The following RNLS variants were observed in gnomAD, a reference collection of about 807,000 sequenced individuals.
The protein encoded by RNLS is renalase, FAD dependent amine oxidase.
A neutral mutation model predicts 39.8 loss-of-function variants in RNLS; 39 were observed. The observed-to-expected ratio is 0.98, with a 90% CI of 0.76 to 1.28. The LOEUF (loss-of-function observed/expected upper bound fraction) is 1.28. RNLS is among the 50% of genes most tolerant of loss of function. RNLS has a pLI of 0.00. For missense variants in RNLS, 410 were observed against 413.3 expected, an observed-to-expected ratio of 0.99 and a Z score of 0.07; for synonymous variants, 147 against 150.7, an observed-to-expected ratio of 0.98 and a Z score of 0.18.
chr10:88,424,669 AAAG>A (rs1464660848), intron 4 of RNLS, among the ~76,000 whole-genome samples: 1 of 152,170 alleles, frequency 6.6e-6, no homozygotes, highest in Non-Finnish European at 1.5e-5. Context: ...GTAACGAGTA[AAAG>A]AAGCTGCTAA....
At chr10:88,177,270 C>T in the RNLS span, among the ~76,000 whole-genome samples, 21 of 152,022 alleles carry the variant, frequency 1.4e-4, no homozygotes, top group African/African-American at 3.4e-4. Context: ...CTTATTCTTT[C>T]GTATTGTCTG....
chr10:88,552,347 C>T (rs1226078447), intron 4 of RNLS, among the ~76,000 whole-genome samples: 1 of 152,148 alleles, frequency 6.6e-6, no homozygotes, highest in Non-Finnish European at 1.5e-5. Flanking sequence ...ACTGTGAGCT[C>T]CTTAAGAACT....
chr10:88,266,775 A>G, the RNLS span, among the ~76,000 whole-genome samples: 17 of 151,806 alleles, frequency 1.1e-4, no homozygotes, highest in Non-Finnish European at 2.2e-4. Flanking sequence ...TTCTACTTAA[A>G]AAAAAAAGTC....
intron 4 of RNLS, among the ~76,000 whole-genome samples, chr10:88,400,721 T>C (rs541967515): frequency 3.9e-5 from 6 of 152,120 alleles, no homozygotes; most frequent in Admixed American, 1.3e-4. Context: ...GAGTTTATTA[T>C]TGATGTGCCA....
At chr10:88,320,659 T>C (rs916258551) in intron 5 of RNLS, among the ~76,000 whole-genome samples, 18 of 148,824 alleles carry the variant, frequency 1.2e-4, no homozygotes, top group African/African-American at 2.0e-4. Flanking sequence ...CTGTGTGAGA[T>C]AGAAGAGACT....
chr10:88,318,931 CA>C lies in RNLS; in HGVS notation c.701-4291del, dbSNP rs572075562. Among the ~76,000 whole-genome samples the C allele has an allele frequency of 5.9e-5, 9 of 152,296 alleles. No homozygotes were observed. In the East Asian group the frequency reaches 1.5e-3, roughly 26 times the overall value. On this transcript the variant is annotated intron_variant, in intron 5 of 6. Transcript: ENST00000331772. Reference sequence around the variant, plus strand: ...TATCAGGGCAGGTGCTTCCGCTCATCATCAATCTACCTGTGGGTGGGCCAGC... The same window carrying C: ...TATCAGGGCAGGTGCTTCCGCTCATCTCAATCTACCTGTGGGTGGGCCAGC...
rs758471119 is a variant in RNLS at position 88,526,765 on chromosome 10, C to T, written c.526+46138G>A. Among the ~76,000 whole-genome samples the T allele has an allele frequency of 7.0e-4, 83 of 118,574 alleles. 1 individual carries two copies. The highest frequency in any genetic ancestry group is 2.1e-3 in the South Asian group (8 of 3,776). The allele number at this position is 118,574 out of a possible 152,430, so 77.8% of individuals were successfully genotyped here. On this transcript the variant is annotated intron_variant, in intron 4 of 6. Transcript: ENST00000331772. ...TGGGTGACAGAGCAAGACTCTGTCTCAAAAAAAAAAAAAATCTGGAAGCTA... is the reference window on the plus strand; with the variant it reads ...TGGGTGACAGAGCAAGACTCTGTCTTAAAAAAAAAAAAAATCTGGAAGCTA...
intron 4 of RNLS, among the ~76,000 whole-genome samples, chr10:88,454,470 C>A (rs1054029519): frequency 2.0e-5 from 3 of 152,168 alleles, no homozygotes; most frequent in African/African-American, 7.2e-5. Flanking sequence ...TTAGCAGGGG[C>A]TTTGTTCTTT....
chr10:88,578,739 A>G (rs1343010358), intron 3 of RNLS, among the ~76,000 whole-genome samples: 1 of 152,172 alleles, frequency 6.6e-6, no homozygotes, highest in Non-Finnish European at 1.5e-5. Flanking sequence ...TCTTCTCTGA[A>G]AAGCTTAAAA....
chr10:88,523,018 C>T (rs1846853544), intron 4 of RNLS, among the ~76,000 whole-genome samples: 1 of 152,064 alleles, frequency 6.6e-6, no homozygotes, highest in South Asian at 2.1e-4. Flanking sequence ...CTGGACCTTC[C>T]TTAGCATGAG....
At chr10:88,243,478 T>C in the RNLS span, among the ~76,000 whole-genome samples, 1 of 152,244 alleles carries the variant, frequency 6.6e-6, no homozygotes, top group Admixed American at 6.5e-5. Flanking sequence ...GGACATTTTT[T>C]TGTGAACCCT....
intron 4 of RNLS, among the ~76,000 whole-genome samples, chr10:88,388,058 G>A (rs1008646856): frequency 3.3e-5 from 5 of 152,140 alleles, no homozygotes; most frequent in Non-Finnish European, 5.9e-5. Flanking sequence ...CATTTAACAC[G>A]TAGAAGTTGG....
At position 88,583,055 on chromosome 10, in the gene RNLS, G is replaced by C. The variant is rs1267557886; in HGVS notation, c.118+18C>G. On this transcript the variant is annotated intron_variant, in intron 1 of 6. Transcript: ENST00000331772. ...CGGCAGTCCTCTTTTCCCAGGTTTT[G>C]GCGTTTAGACAACCCACCTGAGTCC... The C allele has an allele frequency of 1.2e-6, 2 of 1,606,340 alleles. No individual in the cohort carries two copies. Among genetic ancestry groups the C allele is most frequent in the South Asian group, 2.2e-5 (2 of 90,382 alleles).
Position 88,285,014 on chromosome 10 carries a change from A to T in RNLS, c.*340T>A. On this transcript the variant is annotated 3_prime_UTR_variant, in exon 7 of 7. Coordinates refer to ENST00000331772, the MANE Select transcript of RNLS (RefSeq NM_001031709.3). Reference sequence around the variant, plus strand: ...ATTCAGAATTGAAATTTTCATAAGGATAATCAAGTTTTTGGCACACAAACT... The same window carrying T: ...ATTCAGAATTGAAATTTTCATAAGGTTAATCAAGTTTTTGGCACACAAACT... 1 of 1,005,118 alleles carries T rather than the reference A, an allele frequency of 9.9e-7. No homozygotes were observed. The highest frequency in any genetic ancestry group is 1.2e-6 in the Non-Finnish European group (1 of 843,246). 62.3% of individuals were successfully genotyped at this position (1,005,118 alleles called of 1,614,324 possible).
intron 4 of RNLS, among the ~76,000 whole-genome samples, chr10:88,467,998 C>A (rs1843308548): frequency 6.6e-6 from 1 of 152,086 alleles, no homozygotes. Flanking sequence ...TGCAAGAATT[C>A]CAAAATACCC....
chr10:88,561,535 A>G (rs1323875187), intron 4 of RNLS, among the ~76,000 whole-genome samples: 3 of 152,164 alleles, frequency 2.0e-5, no homozygotes, highest in Non-Finnish European at 4.4e-5. Flanking sequence ...TACCTTTCTC[A>G]TATTTTATAT....
the RNLS span, among the ~76,000 whole-genome samples, chr10:88,259,553 C>T: frequency 6.6e-6 from 1 of 152,138 alleles, no homozygotes; most frequent in South Asian, 2.1e-4. Context: ...ACACATTTTC[C>T]ACACTTGTAA....
intron 4 of RNLS, among the ~76,000 whole-genome samples, chr10:88,483,152 C>T (rs1323553973): frequency 6.6e-6 from 1 of 152,140 alleles, no homozygotes; most frequent in Non-Finnish European, 1.5e-5. Flanking sequence ...AGCATTCATC[C>T]TCTGGAAGCT....
chr10:88,256,573 C>T, the RNLS span, among the ~76,000 whole-genome samples: 1 of 152,222 alleles, frequency 6.6e-6, no homozygotes, highest in South Asian at 2.1e-4. Flanking sequence ...CGCCCACCTT[C>T]GGCCAAACCC....
Sources: gnomAD v4.1 joint callset for allele counts (sites outside exome capture counted in the v4.1 genomes callset) on GRCh38, gnomAD v4.1.1 for gene constraint, MANE v1.5 for transcripts, NCBI Gene and HGNC (gene_info 2026-07-23, HGNC 2026-07-21) for gene names.